The following SPATA7 variants were observed in gnomAD, a reference collection of about 807,000 sequenced individuals.
SPATA7 encodes spermatogenesis associated 7.
A neutral mutation model predicts 51.8 loss-of-function variants in SPATA7; 43 were observed. The ratio of observed to expected loss-of-function variants is 0.83; its 90% CI spans 0.65 to 1.07. The LOEUF is 1.07. Ranked by LOEUF, SPATA7 falls within the 50% of genes least tolerant of loss-of-function variation. The probability of loss-of-function intolerance (pLI) is 0.00; values close to 1 mark genes in which losing one functional copy is unlikely to be tolerated. For synonymous variants in SPATA7, 230 were observed against 252.8 expected (o/e 0.91, Z 0.86); for missense variants, 683 against 701.3 (o/e 0.97, Z 0.30).
intron 4 of SPATA7, chr14:88,468,408 T>A (rs2077400056): frequency 1.3e-6 from 1 of 772,806 alleles, no homozygotes; most frequent in Non-Finnish European, 2.0e-6. Flanking sequence ...AAATAAGCCA[T>A]GATTGCCTAC....
chr14:88,439,467 C>T (rs532928855), downstream of SPATA7, among the ~76,000 whole-genome samples: 2 of 152,062 alleles, frequency 1.3e-5, no homozygotes, highest in East Asian at 1.9e-4. Flanking sequence ...TTTGTGTGCC[C>T]ATTATGTACA....
At chr14:88,451,840 T>A (rs2077253911) in intron 3 of SPATA7, among the ~76,000 whole-genome samples, 1 of 152,182 alleles carries the variant, frequency 6.6e-6, no homozygotes, top group Non-Finnish European at 1.5e-5. Context: ...TCATTTTTTT[T>A]ATTTCTTTAA....
chr14:88,396,481 T>C (rs554686419), intron 4 of SPATA7, among the ~76,000 whole-genome samples: 1 of 152,322 alleles, frequency 6.6e-6, no homozygotes, highest in East Asian at 1.9e-4. Flanking sequence ...GTACTTACTA[T>C]CTCTATGAAT....
chr14:88,406,792 T>G (rs1250412434), intron 4 of SPATA7: 2 of 152,188 alleles, frequency 1.3e-5, no homozygotes, highest in African/African-American at 4.8e-5. Context: ...CAGTGTGTGA[T>G]GTTCCCCTCC....
rs1005030689 is a variant in SPATA7 at position 88,446,094 on chromosome 14, C to T, written c.177+8191C>T. 2.8e-4 allele frequency among the ~76,000 whole-genome samples: 42 copies of T among 152,220 alleles called. 1 individual carries two copies. Among genetic ancestry groups the T allele is most frequent in the African/African-American group, 7.0e-4 (29 of 41,518 alleles). On this transcript the variant is annotated intron_variant, in intron 3 of 3. Coordinates refer to the SPATA7 transcript ENST00000554802. ...TCCTCCTTGTACCTCTGGTAGAATT[C>T]GGCTGTGAATCCATCTGGTCCTGGA...
At chr14:88,393,542 C>T in intron 3 of SPATA7, 54 bp downstream of exon 3, 1 of 1,253,782 alleles carries the variant, frequency 8.0e-7, no homozygotes, top group Non-Finnish European at 1.1e-6. Context: ...TCCAGCTTCA[C>T]TTCTCATTAA....
chr14:88,433,944 T>C (rs1336387580), intron 10 of SPATA7, among the ~76,000 whole-genome samples: 1 of 152,218 alleles, frequency 6.6e-6, no homozygotes, highest in African/African-American at 2.4e-5. Flanking sequence ...ATTTTTGGCA[T>C]TAATTCTGTT....
At position 88,426,499 on chromosome 14, in the gene SPATA7, CAGTT is replaced by C; in HGVS notation, c.644_647del (p.Leu215SerfsTer30). The stretch of plus-strand genomic sequence containing the variant: ...CACATTCCCAAATTCCCACCGGTTT[CAGTT>C]AGTCATTTCGAAAGCACCCAGTGGG... On this transcript the variant is annotated frameshift_variant, in exon 6 of 12. Coordinates refer to ENST00000393545, the MANE Select transcript of SPATA7 (RefSeq NM_018418.5). LOFTEE classifies it high-confidence loss of function. 1 of 1,614,222 alleles carries C rather than the reference CAGTT, an allele frequency of 6.2e-7. No homozygotes were observed. Among genetic ancestry groups the C allele is most frequent in the Non-Finnish European group, 8.5e-7 (1 of 1,180,030 alleles).
chr14:88,430,074 T>C (rs2076900135), intron 8 of SPATA7, among the ~76,000 whole-genome samples: 1 of 152,006 alleles, frequency 6.6e-6, no homozygotes, highest in Non-Finnish European at 1.5e-5. Flanking sequence ...ACCTAAAAGA[T>C]GCCTCGATAG....
At chr14:88,451,415 T>G (rs1328727826) in intron 3 of SPATA7, among the ~76,000 whole-genome samples, 1 of 152,172 alleles carries the variant, frequency 6.6e-6, no homozygotes, top group Non-Finnish European at 1.5e-5. Flanking sequence ...GTGATCCACC[T>G]GCCTGAGCCT....
intron 4 of SPATA7, among the ~76,000 whole-genome samples, chr14:88,461,494 G>A (rs1252242941): frequency 1.3e-5 from 2 of 152,062 alleles, no homozygotes; most frequent in Non-Finnish European, 2.9e-5. Flanking sequence ...CTGTGGGCGT[G>A]GGACCCTCCG....
At chr14:88,389,449 C>T (rs553888366) in intron 1 of SPATA7, among the ~76,000 whole-genome samples, 3 of 152,230 alleles carry the variant, frequency 2.0e-5, no homozygotes, top group African/African-American at 4.8e-5. Flanking sequence ...AGGTGATCAG[C>T]CTGCCTCAGT....
At chr14:88,391,665 T>C (rs1437636601) in intron 2 of SPATA7, 2 of 623,748 alleles carry the variant, frequency 3.2e-6, no homozygotes, top group Non-Finnish European at 5.9e-6. Flanking sequence ...GGATGTGGAC[T>C]TGGCTGTCTC....
At position 88,416,810 on chromosome 14, in the gene SPATA7, A is replaced by G; in HGVS notation, c.338A>G (p.Asn113Ser). ...TKTAMRANYK[N>S]NSKSLFNTLQ... ...ACTGCAATGCGAGCCAATTATAAAA[A>G]TAATTCCAAGTCACTTTTTAATACC... The change falls in exon 5 of 12, where the codon AAT becomes AGT. Residue 113 changes from asparagine to serine, a missense_variant. Coordinates refer to ENST00000393545, the MANE Select transcript of SPATA7 (RefSeq NM_018418.5). 6.2e-7 allele frequency: 1 copy of G among 1,605,644 alleles called. No homozygotes were observed. Among genetic ancestry groups the G allele is most frequent in the East Asian group, 2.2e-5 (1 of 44,742 alleles).
exon 4 of SPATA7, chr14:88,455,116 T>G (rs984015433): frequency 6.6e-6 from 3 of 455,770 alleles, no homozygotes; most frequent in Non-Finnish European, 1.3e-5. Context: ...ATGAATAAAG[T>G]GGACACAACA....
In SPATA7 at chr14:88,399,254, A is replaced by G. The variant is rs10143633; in HGVS notation, c.238+3051A>G. 7.5e-3 allele frequency among the ~76,000 whole-genome samples: 1,143 copies of G among 152,126 alleles called. 14 individuals are homozygous for G. Among genetic ancestry groups the G allele is most frequent in the African/African-American group, 0.026 (1,088 of 41,482 alleles). On this transcript the variant is annotated intron_variant, in intron 4 of 11. Coordinates refer to ENST00000393545, the MANE Select transcript of SPATA7 (RefSeq NM_018418.5). ...GTAGGGGAGAAAGTAACTACCAGCT[A>G]TAGGTCATAGCTACAAACACAGTGT... is the stretch of plus-strand genomic sequence containing the variant.
chr14:88,462,143 T>C (rs1467140192), intron 4 of SPATA7, among the ~76,000 whole-genome samples: 1 of 152,210 alleles, frequency 6.6e-6, no homozygotes, highest in Non-Finnish European at 1.5e-5. Context: ...ATTTGTCTCA[T>C]TCAATGGTCC....
At chr14:88,400,594 G>T (rs967948435) in intron 4 of SPATA7, among the ~76,000 whole-genome samples, 81 of 152,178 alleles carry the variant, frequency 5.3e-4, no homozygotes, top group African/African-American at 1.9e-3. Context: ...AGCACTTTGG[G>T]AGGCCAAGAC....
chr14:88,465,459 TCC>T (rs1327790937), intron 4 of SPATA7, among the ~76,000 whole-genome samples: 10 of 152,062 alleles, frequency 6.6e-5, no homozygotes, highest in African/African-American at 2.4e-4. Context: ...AGAGCAAGAC[TCC>T]GTCTCAAAAA....
Sources: gnomAD v4.1 joint callset for allele counts (sites outside exome capture counted in the v4.1 genomes callset) on GRCh38, gnomAD v4.1.1 for gene constraint, MANE v1.5 for transcripts, NCBI Gene and HGNC (gene_info 2026-07-23, HGNC 2026-07-21) for gene names.